Variants in CELF2 observed in about 807,000 individuals in gnomAD.
CELF2 encodes the protein CUGBP Elav-like family member 2.
In CELF2, 8 loss-of-function variants were observed where a neutral mutation model predicts 62.6. The observed-to-expected ratio is 0.13, with a 90% CI of 0.07 to 0.23. The LOEUF is 0.23. CELF2 is among the 10% of genes least tolerant of loss of function. The pLI is 1.00. For missense variants in CELF2, 333 were observed against 671.0 expected, an observed-to-expected ratio of 0.50 and a Z score of 5.56; for synonymous variants, 258 against 250.0, an observed-to-expected ratio of 1.03 and a Z score of -0.30.
the CELF2 span, among the ~76,000 whole-genome samples, chr10:10,677,515 C>G: frequency 6.6e-6 from 1 of 152,188 alleles, no homozygotes. Context: ...ATCCCTGGGG[C>G]CCCAATACTG....
intron 2 of CELF2, among the ~76,000 whole-genome samples, chr10:11,180,239 C>G (rs1332275500): frequency 6.6e-6 from 1 of 152,184 alleles, no homozygotes; most frequent in Non-Finnish European, 1.5e-5. Flanking sequence ...ATGCCACTTT[C>G]CCAGAAAGCG....
chr10:11,165,668 C>T lies in CELF2; in HGVS notation c.257C>T (p.Pro86Leu). Residue 86 changes from proline (P) to leucine (L), a missense_variant, in exon 2 of 13, where the codon CCT becomes CTT. Physicochemically the swap from Pro to Leu is moderately conservative, Grantham distance 98. Transcript: ENST00000633077. The surrounding 1 kb of genome is among the most constrained non-coding windows in gnomAD (Gnocchi z 7.4). ...GTCCTCCGGGACCGGAGTCAGAACC[C>T]TCCGCAGAGTAAAGGTACAGAGCGC... is the stretch of plus-strand genomic sequence containing the variant. ...INVLRDRSQN[P>L]PQSKGCCFVT... is the part of the protein sequence containing the mutation. 6.2e-7 allele frequency: 1 copy of T among 1,613,476 alleles called. No individual in the cohort carries two copies. Among genetic ancestry groups the T allele is most frequent in the Non-Finnish European group, 8.5e-7 (1 of 1,179,686 alleles).
chr10:10,587,804 CA>C, the CELF2 span, among the ~76,000 whole-genome samples: 1 of 152,056 alleles, frequency 6.6e-6, no homozygotes, highest in African/African-American at 2.4e-5. Flanking sequence ...CTCACTTAGC[CA>C]AATTCAAGAG....
intron 2 of CELF2, among the ~76,000 whole-genome samples, chr10:10,960,899 G>A (rs958139504): frequency 7.9e-5 from 12 of 152,142 alleles, no homozygotes; most frequent in East Asian, 3.8e-4. Flanking sequence ...GTAACTAGCC[G>A]TGCCCCTAGA....
intron 2 of CELF2, among the ~76,000 whole-genome samples, chr10:10,970,969 T>C (rs1258463773): frequency 2.6e-5 from 4 of 152,122 alleles, no homozygotes; most frequent in Admixed American, 1.3e-4. Context: ...TCCTATCCCA[T>C]GGAACTGATG....
the CELF2 span, among the ~76,000 whole-genome samples, chr10:10,588,914 C>T: frequency 1.3e-5 from 2 of 152,168 alleles, no homozygotes; most frequent in Admixed American, 6.5e-5. Context: ...TGTTTCCATG[C>T]ACATCAACTT....
At position 10,983,114 on chromosome 10, in the gene CELF2, ATAAT is replaced by A. The variant is rs112630450; in HGVS notation, c.89+63117_89+63120del. On this transcript the variant is annotated intron_variant, in intron 2 of 13. Transcript: ENST00000636488. This position sits in a 1 kb window ranked among gnomAD's most constrained non-coding sequence, Gnocchi z 5.2. ...TAGCTGAAGTGCTACATTTTAAAAA[ATAAT>A]TTAAGCTCTTTTTTCATTATTTTTT... is the stretch of plus-strand genomic sequence containing the variant. 1.3e-5 allele frequency among the ~76,000 whole-genome samples: 2 copies of A among 152,324 alleles called. No homozygotes were observed. The highest frequency in any genetic ancestry group is 4.8e-5 in the African/African-American group (2 of 41,562).
intron 1 of CELF2, among the ~76,000 whole-genome samples, chr10:10,816,220 G>C (rs1364462174): frequency 1.3e-5 from 2 of 152,168 alleles, no homozygotes; most frequent in Non-Finnish European, 2.9e-5. Context: ...GTCCTGGAAA[G>C]TGGCTGAAGA....
rs536602679 is a variant in CELF2, at chr10:10,997,310, T to C, written c.89+77311T>C. Reference sequence around the variant, plus strand: ...GAGCAAGACACCATCTCTGAAAAAGTATAAAAAATGAAAAAGAGCTATGGA... The same window carrying C: ...GAGCAAGACACCATCTCTGAAAAAGCATAAAAAATGAAAAAGAGCTATGGA... On this transcript the variant is annotated intron_variant, in intron 2 of 13. Coordinates refer to the CELF2 transcript ENST00000636488. The surrounding 1 kb of genome is among the most constrained non-coding windows in gnomAD (Gnocchi z 5.3). 4.6e-5 allele frequency among the ~76,000 whole-genome samples: 7 copies of C among 152,286 alleles called. No individual in the cohort carries two copies. The highest frequency in any genetic ancestry group is 2.1e-4 in the South Asian group (1 of 4,822).
At position 11,098,457 on chromosome 10, in the gene CELF2, G is replaced by A. The variant is rs1414182754; in HGVS notation, c.75-67029G>A. ...GCTCAAACCCCCATGTACTGCAGAG[G>A]GATAACAGTTCTTCAGCCTTGAAAA... On this transcript the variant is annotated intron_variant, in intron 1 of 12. Transcript: ENST00000633077. The surrounding 1 kb of genome is among the most constrained non-coding windows in gnomAD (Gnocchi z 4.0). The A allele has an allele frequency of 6.6e-6, 1 of 152,146 alleles. No homozygotes were observed. The highest frequency in any genetic ancestry group is 1.5e-5 in the Non-Finnish European group (1 of 68,052). The allele number at this position is 152,146 out of a possible 1,614,324, so 9.4% of individuals were successfully genotyped here. A position where few individuals can be genotyped will look rare whatever the true frequency, so the allele number is the denominator to read the frequency against.
the CELF2 span, among the ~76,000 whole-genome samples, chr10:10,587,233 G>A: frequency 1.3e-3 from 193 of 152,288 alleles, 4 homozygotes; most frequent in East Asian, 0.029. Flanking sequence ...TGTGTAGCCC[G>A]CATGGGGATT....
At chr10:11,091,632 C>T (rs1485084769) in intron 1 of CELF2, among the ~76,000 whole-genome samples, 1 of 152,240 alleles carries the variant, frequency 6.6e-6, no homozygotes, top group Non-Finnish European at 1.5e-5. Flanking sequence ...GGAAAGGTTA[C>T]ATCGAAGATG....
Position 11,267,051 on chromosome 10 carries a change from C to T in CELF2, c.618+374C>T, listed in dbSNP as rs911381404. Among the ~76,000 whole-genome samples, 1 of 152,164 alleles carries T rather than the reference C, an allele frequency of 6.6e-6. No homozygotes were observed. Among genetic ancestry groups the T allele is most frequent in the Non-Finnish European group, 1.5e-5 (1 of 68,026 alleles). ...GTCGGTGCGGATGAAACAGTAACAG[C>T]CTCCCACCCCAAATTACTGCTTGCC... On this transcript the variant is annotated intron_variant, in intron 6 of 12. Coordinates refer to ENST00000633077, the MANE Select transcript of CELF2 (RefSeq NM_001326342.2). The surrounding 1 kb of genome is among the most constrained non-coding windows in gnomAD (Gnocchi z 4.4).
chr10:10,605,933 T>A, the CELF2 span, among the ~76,000 whole-genome samples: 1 of 152,230 alleles, frequency 6.6e-6, no homozygotes, highest in Non-Finnish European at 1.5e-5. Flanking sequence ...AGCATTTGCA[T>A]CATGTGCCTG....
At chr10:10,564,956 C>T in the CELF2 span, among the ~76,000 whole-genome samples, 1 of 152,190 alleles carries the variant, frequency 6.6e-6, no homozygotes, top group Admixed American at 6.5e-5. Context: ...ATTATGACTC[C>T]ATGAGATCAG....
At chr10:10,791,610 C>T in the CELF2 span, among the ~76,000 whole-genome samples, 217 of 151,978 alleles carry the variant, frequency 1.4e-3, no homozygotes, top group African/African-American at 5.1e-3. Flanking sequence ...AGTTTCTATT[C>T]ATCTTAGATT....
rs139395013 is a variant in CELF2 at position 11,306,758 on chromosome 10, C to T, written c.977-7381C>T. Among the ~76,000 whole-genome samples, 121 of 152,164 alleles carry T rather than the reference C, an allele frequency of 8.0e-4. No individual in the cohort carries two copies. Among genetic ancestry groups the T allele is most frequent in the South Asian group, 5.4e-3 (26 of 4,804 alleles). Reference sequence around the variant, plus strand: ...GATTCTTCTCCCTCCTTTTCTTCACCGTCTCCCCAACTTTCTACTGGGACC... The same window carrying T: ...GATTCTTCTCCCTCCTTTTCTTCACTGTCTCCCCAACTTTCTACTGGGACC... On this transcript the variant is annotated intron_variant, in intron 9 of 12. Transcript: ENST00000633077. This position sits in a 1 kb window ranked among gnomAD's most constrained non-coding sequence, Gnocchi z 4.4.
chr10:11,008,565 G>T lies in CELF2; in HGVS notation c.53+3125G>T, dbSNP rs2055751154. 6.6e-6 allele frequency among the ~76,000 whole-genome samples: 1 copy of T among 152,178 alleles called. No individual in the cohort carries two copies. Among genetic ancestry groups the T allele is most frequent in the African/African-American group, 2.4e-5 (1 of 41,448 alleles). ...AGACCGAGGAAGTCATTCAAAGAGT[G>T]AATCAATACTAATTATTGTAATCAG... On this transcript the variant is annotated intron_variant, in intron 1 of 12. Coordinates refer to the CELF2 transcript ENST00000416382. The surrounding 1 kb of genome is among the most constrained non-coding windows in gnomAD (Gnocchi z 4.5).
the CELF2 span, among the ~76,000 whole-genome samples, chr10:10,727,989 G>A: frequency 5.3e-5 from 8 of 152,126 alleles, no homozygotes; most frequent in East Asian, 3.9e-4. Flanking sequence ...GTGAAGAGTC[G>A]GCTGCATACA....
Sources: allele counts gnomAD v4.1 joint callset (sites outside exome capture counted in the v4.1 genomes callset), GRCh38; gene constraint gnomAD v4.1.1; non-coding constraint Gnocchi (gnomAD v3.1); transcripts MANE v1.5; gene names NCBI Gene and HGNC (gene_info 2026-07-23, HGNC 2026-07-21).